Variants in FGF12 observed in about 807,000 individuals in gnomAD.
FGF12 encodes the protein fibroblast growth factor 12B.
Under a neutral mutation model 23.6 loss-of-function variants are expected in FGF12, and 14 were observed. The ratio of observed to expected loss-of-function variants is 0.59; its 90% CI spans 0.39 to 0.93. FGF12 has a LOEUF of 0.93. FGF12 is among the 40% of genes least tolerant of loss of function. The pLI is 0.00. For synonymous variants in FGF12, 62 were observed against 77.3 expected (o/e 0.80, Z 1.04); for missense variants, 175 against 217.8 (o/e 0.80, Z 1.24).
chr3:192,243,847 G>A lies in FGF12; in HGVS notation c.229-73191C>T, dbSNP rs190323994. Among the ~76,000 whole-genome samples, 11 of 152,090 alleles carry A rather than the reference G, an allele frequency of 7.2e-5. 1 individual carries two copies. The East Asian group carries it at 1.2e-3, about 16-fold the overall frequency. On this transcript the variant is annotated intron_variant, in intron 4 of 5. Coordinates refer to ENST00000445105, the MANE Select transcript of FGF12 (RefSeq NM_004113.6). ...AAGCATTTGCAAGGGCTAACTTTCCGAATATAAAAGGGTTCCTTCAGAAAG... is the reference window on the plus strand; with the variant it reads ...AAGCATTTGCAAGGGCTAACTTTCCAAATATAAAAGGGTTCCTTCAGAAAG...
intron 4 of FGF12, among the ~76,000 whole-genome samples, chr3:192,190,603 G>A (rs1301495131): frequency 6.7e-6 from 1 of 150,110 alleles, no homozygotes; most frequent in Non-Finnish European, 1.5e-5. Flanking sequence ...AGCCTCCCGA[G>A]TAGCTGGGAC....
rs1968977 is a variant in FGF12 at position 192,139,904 on chromosome 3, A to C, written c.*4105T>G. ...CAAATTCTCAATTTGATATGACTTA[A>C]CATGAAATCTGTATTGGGAAGTATA... On this transcript the variant is annotated 3_prime_UTR_variant, in exon 6 of 6. Transcript: ENST00000445105. The C allele has an allele frequency of 9.9e-5, 15 of 151,732 alleles. No homozygotes were observed. The highest frequency in any genetic ancestry group is 1.5e-5 in the Non-Finnish European group (1 of 67,814). The allele number at this position is 151,732 out of a possible 1,614,324, so 9.4% of individuals were successfully genotyped here.
At chr3:192,363,682 G>A (rs1158753628) in intron 2 of FGF12, among the ~76,000 whole-genome samples, 3 of 152,068 alleles carry the variant, frequency 2.0e-5, no homozygotes, top group African/African-American at 7.2e-5. Context: ...AACCTTTCCA[G>A]GTTCAGCTCA....
intron 4 of FGF12, among the ~76,000 whole-genome samples, chr3:192,191,817 CAG>C (rs1473232486): frequency 7.0e-6 from 1 of 143,180 alleles, no homozygotes; most frequent in Non-Finnish European, 1.5e-5. Flanking sequence ...GCCTGGGAGA[CAG>C]AGCGAGACTC....
intron 2 of FGF12, among the ~76,000 whole-genome samples, chr3:192,421,608 G>A (rs1318867859): frequency 6.6e-6 from 1 of 151,974 alleles, no homozygotes; most frequent in East Asian, 1.9e-4. Context: ...CTTATGAGTG[G>A]GAGTTGAACA....
intron 2 of FGF12, among the ~76,000 whole-genome samples, chr3:192,454,299 A>G (rs1028418928): frequency 1.3e-5 from 2 of 152,060 alleles, no homozygotes; most frequent in East Asian, 1.9e-4. Flanking sequence ...CGGCCTCCCA[A>G]AGTGCTGGGA....
intron 4 of FGF12, among the ~76,000 whole-genome samples, chr3:192,221,819 C>A (rs1718490894): frequency 6.6e-6 from 1 of 151,894 alleles, no homozygotes; most frequent in African/African-American, 2.4e-5. Context: ...TTATGACTGG[C>A]AGTGTAAAGG....
At chr3:192,718,955 A>G (rs1029084639) in intron 2 of FGF12, among the ~76,000 whole-genome samples, 47 of 152,258 alleles carry the variant, frequency 3.1e-4, no homozygotes, top group African/African-American at 1.1e-3. Flanking sequence ...CTTTGTAACA[A>G]GAAAATAAAA....
At chr3:192,401,370 C>T (rs1720752907) in intron 2 of FGF12, among the ~76,000 whole-genome samples, 1 of 152,192 alleles carries the variant, frequency 6.6e-6, no homozygotes, top group Non-Finnish European at 1.5e-5. Context: ...ATATATCACA[C>T]AGTCTCTGGA....
Position 192,143,025 on chromosome 3 carries a change from AG to A in FGF12, c.*983del, listed in dbSNP as rs932854313. On this transcript the variant is annotated 3_prime_UTR_variant, in exon 6 of 6. Transcript: ENST00000445105. ...TGTTCTTTCTTTCCTGCCACAAGAC[AG>A]GGTACAAAGCTTTCTAAAACATGCT... 19 of 152,050 alleles carry A rather than the reference AG, an allele frequency of 1.2e-4. No individual in the cohort carries two copies. Among genetic ancestry groups the A allele is most frequent in the African/African-American group, 4.6e-4 (19 of 41,420 alleles). The allele number at this position is 152,050 out of a possible 1,614,324, so 9.4% of individuals were successfully genotyped here.
chr3:192,351,354 A>G (rs1718211409), intron 3 of FGF12, among the ~76,000 whole-genome samples: 1 of 152,252 alleles, frequency 6.6e-6, no homozygotes, highest in Non-Finnish European at 1.5e-5. Context: ...TCAGCTATTT[A>G]GAGAAAGAAC....
At chr3:192,719,034 T>G (rs1577140014) in intron 2 of FGF12, among the ~76,000 whole-genome samples, 1 of 151,810 alleles carries the variant, frequency 6.6e-6, no homozygotes, top group Non-Finnish European at 1.5e-5. Flanking sequence ...GGTTCATCCA[T>G]GGAATAGAAG....
chr3:192,208,898 T>C (rs1321235557), intron 4 of FGF12, among the ~76,000 whole-genome samples: 1 of 152,236 alleles, frequency 6.6e-6, no homozygotes. Flanking sequence ...AGTATTAGTG[T>C]TCCTTGTAGT....
chr3:192,629,755 G>A (rs112537569), intron 2 of FGF12, among the ~76,000 whole-genome samples: 7 of 152,194 alleles, frequency 4.6e-5, no homozygotes, highest in East Asian at 3.9e-4. Context: ...GAGACTTCAC[G>A]GTCTCTAAGG....
intron 2 of FGF12, among the ~76,000 whole-genome samples, chr3:192,497,765 A>G (rs889045712): frequency 6.6e-6 from 1 of 152,134 alleles, no homozygotes; most frequent in Non-Finnish European, 1.5e-5. Flanking sequence ...AAACTGCTCT[A>G]TCCAAAGAGT....
At chr3:192,263,130 T>G (rs182278754) in intron 4 of FGF12, among the ~76,000 whole-genome samples, 208 of 152,154 alleles carry the variant, frequency 1.4e-3, no homozygotes, top group African/African-American at 4.5e-3. Flanking sequence ...ACTAGCAAAA[T>G]AGTAAGTATA....
At chr3:192,523,074 A>G (rs1560138812) in intron 2 of FGF12, among the ~76,000 whole-genome samples, 1 of 152,254 alleles carries the variant, frequency 6.6e-6, no homozygotes, top group Non-Finnish European at 1.5e-5. Context: ...AATCAGTTAT[A>G]TAAATTTGGC....
chr3:192,185,859 A>T (rs1014775847), intron 4 of FGF12, among the ~76,000 whole-genome samples: 24 of 145,842 alleles, frequency 1.6e-4, no homozygotes, highest in African/African-American at 4.2e-4. Context: ...GCTCCGTCTA[A>T]AAAAAAAAAA....
At chr3:192,483,752 C>T (rs1326196072) in intron 2 of FGF12, among the ~76,000 whole-genome samples, 2 of 151,814 alleles carry the variant, frequency 1.3e-5, no homozygotes, top group East Asian at 3.9e-4. Flanking sequence ...AAAGGCGTTC[C>T]AGCTAGAAAA....
Sources: allele counts gnomAD v4.1 joint callset (sites outside exome capture counted in the v4.1 genomes callset), GRCh38; gene constraint gnomAD v4.1.1; transcripts MANE v1.5; gene names NCBI Gene and HGNC (gene_info 2026-07-23, HGNC 2026-07-21).